Variants in NUFIP2 observed in about 807,000 individuals in gnomAD.
NUFIP2 encodes FMR1-interacting protein NUFIP2.
Under a neutral mutation model 56.9 loss-of-function variants are expected in NUFIP2, and 6 were observed. The ratio of observed to expected loss-of-function variants is 0.11; its 90% confidence interval spans 0.06 to 0.21. The LOEUF is 0.21. NUFIP2 is among the 10% of genes least tolerant of loss of function. The pLI is 1.00. For synonymous variants in NUFIP2, 321 were observed against 298.2 expected, an observed-to-expected ratio of 1.08 and a Z score of -0.79; for missense variants, 828 against 826.8, an observed-to-expected ratio of 1.00 and a Z score of -0.02.
intron 1 of NUFIP2, among the ~76,000 whole-genome samples, chr17:29,291,616 T>C (rs1384386688): frequency 1.3e-5 from 2 of 152,242 alleles, no homozygotes; most frequent in African/African-American, 4.8e-5. Context: ...CAGCGGTTGC[T>C]TCCACATGTA....
intron 2 of NUFIP2, among the ~76,000 whole-genome samples, chr17:29,281,725 T>C (rs1598433873): frequency 7.8e-6 from 1 of 128,786 alleles, no homozygotes. Flanking sequence ...AAAAGGAAAA[T>C]CCCACACAAG....
intron 2 of NUFIP2, among the ~76,000 whole-genome samples, chr17:29,275,437 A>G (rs1403981621): frequency 6.6e-6 from 1 of 152,186 alleles, no homozygotes; most frequent in East Asian, 1.9e-4. Flanking sequence ...GAAACAGAGA[A>G]TGACCCCAGG....
intron 1 of NUFIP2, 130 bp from the exon 2 acceptor site, chr17:29,287,846 C>CATAGAGATGTGAAATA: frequency 1.1e-6 from 1 of 942,760 alleles, no homozygotes. Context: ...TATTATTTCA[C>CATAGAGATGTGAAATA]ATCTCTATGA....
chr17:29,278,403 C>G (rs564060281), intron 2 of NUFIP2, among the ~76,000 whole-genome samples: 51 of 151,898 alleles, frequency 3.4e-4, no homozygotes, highest in Non-Finnish European at 6.0e-4. Context: ...CCCGCCACTG[C>G]GCCCGGCTAA....
At chr17:29,273,474 G>T (rs1028697162) in intron 2 of NUFIP2, among the ~76,000 whole-genome samples, 10 of 151,590 alleles carry the variant, frequency 6.6e-5, no homozygotes, top group Non-Finnish European at 1.2e-4. Flanking sequence ...GCCCAGCCTT[G>T]ATCTTTTAAC....
chr17:29,259,295 T>C lies in NUFIP2; in HGVS notation c.*5244A>G, dbSNP rs1433361692. ...GTTTAATAAGGCTGTAGAAAAGAGA[T>C]ACTTGGCCGGGCACGGTGGCTCACA... On this transcript the variant is annotated 3_prime_UTR_variant, in exon 4 of 4. Coordinates refer to ENST00000225388, the MANE Select transcript of NUFIP2 (RefSeq NM_020772.3). 6.6e-6 allele frequency: 1 copy of C among 152,112 alleles called. No homozygotes were observed. Among genetic ancestry groups the C allele is most frequent in the East Asian group, 1.9e-4 (1 of 5,198 alleles). The allele number at this position is 152,112 out of a possible 1,614,324, so 9.4% of individuals were successfully genotyped here. A position where few individuals can be genotyped will look rare whatever the true frequency, so the allele number is the denominator to read the frequency against.
At chr17:29,264,909 A>T (rs914935678) in intron 3 of NUFIP2, among the ~76,000 whole-genome samples, 56 of 152,366 alleles carry the variant, frequency 3.7e-4, no homozygotes, top group African/African-American at 1.2e-3. Context: ...GTATTTGAAT[A>T]CAGCAGCCAA....
chr17:29,290,791 T>C (rs576256735), intron 1 of NUFIP2, among the ~76,000 whole-genome samples: 1 of 152,300 alleles, frequency 6.6e-6, no homozygotes, highest in African/African-American at 2.4e-5. Flanking sequence ...TATCATTTAA[T>C]ATGCTAACAG....
Position 29,287,443 on chromosome 17 carries a change from A to G in NUFIP2, c.551T>C (p.Ile184Thr). The G allele has an allele frequency of 6.2e-7, 1 of 1,614,124 alleles. No homozygotes were observed. Among genetic ancestry groups the G allele is most frequent in the Non-Finnish European group, 8.5e-7 (1 of 1,179,966 alleles). ...TGTTACCACACCATTTGGAATTGGT[A>G]TAGTATCAGACTTATCTACAGACTG... ...ENQSVDKSDT[I>T]PIPNGVVTNN... Residue 184 changes from isoleucine to threonine, a missense_variant, in exon 2 of 4, where the codon ATA (isoleucine) becomes ACA (threonine). Coordinates refer to ENST00000225388, the MANE Select transcript of NUFIP2 (RefSeq NM_020772.3).
Position 29,286,839 on chromosome 17 carries a change from TGATGAAGATGATGAA to T in NUFIP2, c.1140_1154del (p.Ser382_Ser386del). 6.2e-7 allele frequency: 1 copy of T among 1,613,906 alleles called. No homozygotes were observed. Among genetic ancestry groups the T allele is most frequent in the Non-Finnish European group, 8.5e-7 (1 of 1,179,890 alleles). Reference sequence around the variant, plus strand: ...ATTGGGTCTGAGTTTCCCCGGTAGATGATGAAGATGATGAAGATGAAGTTGGTGACACAGAAGAGT... The same window carrying T: ...ATTGGGTCTGAGTTTCCCCGGTAGATGATGAAGTTGGTGACACAGAAGAGT... On this transcript the variant is annotated inframe_deletion, in exon 2 of 4. Coordinates refer to ENST00000225388, the MANE Select transcript of NUFIP2 (RefSeq NM_020772.3).
chr17:29,287,759 A>T, intron 1 of NUFIP2, 43 bp from the exon 2 acceptor site: 2 of 1,503,352 alleles, frequency 1.3e-6, no homozygotes, highest in Non-Finnish European at 1.8e-6. Flanking sequence ...AAATCACAAC[A>T]TGTAAATTAC....
At chr17:29,267,646 T>C (rs1025181031) in intron 2 of NUFIP2, 116 bp from the exon 3 acceptor site, 26 of 597,618 alleles carry the variant, frequency 4.4e-5, no homozygotes, top group Middle Eastern at 5.6e-4. Context: ...GGAGGTAGGG[T>C]TGAAAATGGC....
intron 2 of NUFIP2, among the ~76,000 whole-genome samples, chr17:29,273,517 CACACACACAG>C (rs1276154018): frequency 6.8e-6 from 1 of 148,000 alleles, no homozygotes; most frequent in Non-Finnish European, 1.5e-5. Context: ...CACACACACA[CACACACACAG>C]ACACACAGCA....
At chr17:29,288,129 C>T (rs189924430) in intron 1 of NUFIP2, among the ~76,000 whole-genome samples, 120 of 152,362 alleles carry the variant, frequency 7.9e-4, no homozygotes, top group African/African-American at 2.7e-3. Context: ...CTGTAAGCTC[C>T]ACCTCCCGGG....
At position 29,257,506 on chromosome 17, in the gene NUFIP2, GA is replaced by G. The variant is rs1423534955; in HGVS notation, c.*7032del. ...AGAGAAACTAACAAGTCACATTAGGGAAAATTCAGATCTTTTTTTTTTTTAA... is the reference window on the plus strand; with the variant it reads ...AGAGAAACTAACAAGTCACATTAGGGAAATTCAGATCTTTTTTTTTTTTAA... On this transcript the variant is annotated 3_prime_UTR_variant, in exon 4 of 4. Transcript: ENST00000225388. 4.6e-5 allele frequency: 7 copies of G among 151,944 alleles called. No individual in the cohort carries two copies. Among genetic ancestry groups the G allele is most frequent in the Non-Finnish European group, 8.8e-5 (6 of 67,952 alleles). 9.4% of individuals were successfully genotyped at this position (151,944 alleles called of 1,614,324 possible).
intron 2 of NUFIP2, among the ~76,000 whole-genome samples, chr17:29,278,232 C>A (rs980575087): frequency 1.1e-4 from 16 of 151,168 alleles, no homozygotes; most frequent in Non-Finnish European, 1.9e-4. Flanking sequence ...TGCTCTTATT[C>A]TAATCTCATG....
intron 2 of NUFIP2, among the ~76,000 whole-genome samples, chr17:29,279,317 T>C (rs1446673012): frequency 6.6e-6 from 1 of 152,230 alleles, no homozygotes; most frequent in Non-Finnish European, 1.5e-5. Flanking sequence ...TGTTCCCTTA[T>C]GCCCTTTCCC....
Position 29,273,907 on chromosome 17 carries a change from C to T in NUFIP2, c.2003-6377G>A, listed in dbSNP as rs910018463. On this transcript the variant is annotated intron_variant, in intron 2 of 3. Transcript: ENST00000225388. Reference sequence around the variant, plus strand: ...CACAATGCTTCCTATAGCGAAATGTCCAGTTTTCCACAAGTTCTTAATTCC... The same window carrying T: ...CACAATGCTTCCTATAGCGAAATGTTCAGTTTTCCACAAGTTCTTAATTCC... Among the ~76,000 whole-genome samples, 7 of 152,134 alleles carry T rather than the reference C, an allele frequency of 4.6e-5. No individual in the cohort carries two copies. In the East Asian group the frequency reaches 1.4e-3, roughly 29 times the overall value.
At chr17:29,271,976 G>A (rs1465799057) in intron 2 of NUFIP2, among the ~76,000 whole-genome samples, 1 of 149,190 alleles carries the variant, frequency 6.7e-6, no homozygotes, top group Non-Finnish European at 1.5e-5. Context: ...AGGAGGCTGA[G>A]ACAGGAGAAT....
Sources: allele counts gnomAD v4.1 joint callset (sites outside exome capture counted in the v4.1 genomes callset), GRCh38; gene constraint gnomAD v4.1.1; transcripts MANE v1.5; gene names NCBI Gene and HGNC (gene_info 2026-07-23, HGNC 2026-07-21).